KIAA1217: variants seen among roughly 807,000 people sequenced by gnomAD.
KIAA1217 encodes the protein sickle tail protein homolog.
A neutral mutation model predicts 163.9 loss-of-function variants in KIAA1217; 88 were observed. The observed-to-expected ratio is 0.54, with a 90% CI of 0.45 to 0.64. The LOEUF is 0.64. KIAA1217 is among the 30% of genes least tolerant of loss of function. KIAA1217 has a pLI of 0.00. For synonymous variants in KIAA1217, 903 were observed against 923.1 expected, an observed-to-expected ratio of 0.98 and a Z score of 0.39; for missense variants, 2,372 against 2,475.0, an observed-to-expected ratio of 0.96 and a Z score of 0.88.
chr10:23,925,886 T>C (rs1843000580), intron 1 of KIAA1217, among the ~76,000 whole-genome samples: 1 of 152,188 alleles, frequency 6.6e-6, no homozygotes, highest in Non-Finnish European at 1.5e-5. Flanking sequence ...TGAGAATTGA[T>C]GCAAAGTAGT....
intron 1 of KIAA1217, among the ~76,000 whole-genome samples, chr10:23,759,762 A>C (rs190671646): frequency 6.6e-6 from 1 of 152,232 alleles, no homozygotes; most frequent in East Asian, 1.9e-4. Flanking sequence ...TTTTCTGACT[A>C]TCAGACTTTG....
At chr10:24,186,924 T>C (rs2131967137) in intron 2 of KIAA1217, among the ~76,000 whole-genome samples, 1 of 152,234 alleles carries the variant, frequency 6.6e-6, no homozygotes, top group African/African-American at 2.4e-5. Flanking sequence ...AATCTAGTAT[T>C]TTTCATTCCC....
Position 24,306,623 on chromosome 10 carries a change from G to A in KIAA1217, c.355-74246G>A, listed in dbSNP as rs146976839. On this transcript the variant is annotated intron_variant, in intron 2 of 20. Transcript: ENST00000376454. ...GTTATTCTCTGAAGCCATAGAAAGT[G>A]TCAGGGAAGGCTGGATACACATCAC... Among the ~76,000 whole-genome samples, 1,379 of 152,312 alleles carry A rather than the reference G, an allele frequency of 9.1e-3. 22 individuals are homozygous for A. Among genetic ancestry groups the A allele is most frequent in the African/African-American group, 0.032 (1,314 of 41,574 alleles).
intron 1 of KIAA1217, among the ~76,000 whole-genome samples, chr10:23,854,496 G>A (rs1218638865): frequency 6.6e-6 from 1 of 152,196 alleles, no homozygotes; most frequent in East Asian, 1.9e-4. Context: ...TTCTGTTGAT[G>A]TGGGGTGGAG....
At chr10:23,816,894 C>T (rs555111045) in intron 1 of KIAA1217, among the ~76,000 whole-genome samples, 4 of 152,246 alleles carry the variant, frequency 2.6e-5, no homozygotes, top group Admixed American at 6.5e-5. Context: ...TTCTGGGAAA[C>T]AAGCAAGGCA....
intron 1 of KIAA1217, among the ~76,000 whole-genome samples, chr10:23,876,236 T>C (rs1379033568): frequency 5.3e-5 from 8 of 151,568 alleles, no homozygotes; most frequent in Non-Finnish European, 7.4e-5. Context: ...GAAACAGAAA[T>C]GCAAATGCTG....
intron 2 of KIAA1217, among the ~76,000 whole-genome samples, chr10:24,358,524 C>A (rs1376023200): frequency 6.6e-6 from 1 of 152,160 alleles, no homozygotes; most frequent in Non-Finnish European, 1.5e-5. Context: ...TACACTCTTG[C>A]ATTTGTATGA....
chr10:23,855,752 T>G (rs577702691), intron 1 of KIAA1217, among the ~76,000 whole-genome samples: 1 of 152,302 alleles, frequency 6.6e-6, no homozygotes, highest in South Asian at 2.1e-4. Flanking sequence ...CTCGCTTCAT[T>G]TCATTCATTT....
At position 23,761,548 on chromosome 10, in the gene KIAA1217, G is replaced by T. The variant is rs560041001; in HGVS notation, c.-321+66314G>T. On this transcript the variant is annotated intron_variant, in intron 1 of 18. Coordinates refer to the KIAA1217 transcript ENST00000376462. Reference sequence around the variant, plus strand: ...CAGGAGCAAGTTGTTCAATTTCCATGTAATTGTATGGTTTTGAGTGAGTTT... The same window carrying T: ...CAGGAGCAAGTTGTTCAATTTCCATTTAATTGTATGGTTTTGAGTGAGTTT... Among the ~76,000 whole-genome samples the T allele has an allele frequency of 2.6e-4, 40 of 152,288 alleles. 1 individual carries two copies. Among genetic ancestry groups the T allele is most frequent in the African/African-American group, 9.4e-4 (39 of 41,558 alleles).
At chr10:23,819,046 A>G (rs1837496269) in intron 1 of KIAA1217, among the ~76,000 whole-genome samples, 1 of 152,176 alleles carries the variant, frequency 6.6e-6, no homozygotes. Context: ...TAAAGTGTGG[A>G]TTATTTGCAT....
chr10:24,537,721 T>G (rs572689766), intron 17 of KIAA1217, among the ~76,000 whole-genome samples: 2 of 152,372 alleles, frequency 1.3e-5, no homozygotes, highest in African/African-American at 4.8e-5. Context: ...ACAGAATTTT[T>G]GCTAAGTATT....
chr10:24,193,991 A>G (rs2066857893), intron 2 of KIAA1217, among the ~76,000 whole-genome samples: 1 of 152,120 alleles, frequency 6.6e-6, no homozygotes, highest in Admixed American at 6.5e-5. Flanking sequence ...GTTTGAGACC[A>G]GCCTGGCCAA....
chr10:23,733,160 C>T (rs1001187852), intron 1 of KIAA1217, among the ~76,000 whole-genome samples: 1 of 151,878 alleles, frequency 6.6e-6, no homozygotes, highest in Non-Finnish European at 1.5e-5. Flanking sequence ...ACTACAGATG[C>T]CCGCCACCAC....
At chr10:24,095,640 A>G (rs948436054) in intron 2 of KIAA1217, among the ~76,000 whole-genome samples, 17 of 152,002 alleles carry the variant, frequency 1.1e-4, no homozygotes, top group Non-Finnish European at 2.5e-4. Flanking sequence ...CTCTCTCTAC[A>G]AGTTCTCCCT....
intron 2 of KIAA1217, among the ~76,000 whole-genome samples, chr10:24,134,620 C>G (rs1307636228): frequency 6.6e-6 from 1 of 152,142 alleles, no homozygotes; most frequent in African/African-American, 2.4e-5. Flanking sequence ...GTTCTCCAAG[C>G]TGGAGTGCAG....
chr10:23,836,910 GA>G (rs1838484954), intron 1 of KIAA1217, among the ~76,000 whole-genome samples: 1 of 138,898 alleles, frequency 7.2e-6, no homozygotes, highest in South Asian at 2.7e-4. Context: ...GTGACAGAGT[GA>G]GACCCTGTGG....
chr10:24,019,992 C>T (rs1847664928), intron 2 of KIAA1217, among the ~76,000 whole-genome samples: 1 of 151,944 alleles, frequency 6.6e-6, no homozygotes, highest in Non-Finnish European at 1.5e-5. Context: ...TACTGTGAAA[C>T]TGCATAACAA....
rs1036696749 is a variant in KIAA1217 at position 24,119,545 on chromosome 10, G to A, written c.-170-100081G>A. 4.6e-5 allele frequency among the ~76,000 whole-genome samples: 7 copies of A among 152,190 alleles called. No homozygotes were observed. In the East Asian group the frequency reaches 1.3e-3, roughly 29 times the overall value. ...GGTTGCACTATTAGGCTGAGCTACA[G>A]CTGTGTGTGTCTTGAAGCCTCCTCA... On this transcript the variant is annotated intron_variant, in intron 2 of 18. Coordinates refer to the KIAA1217 transcript ENST00000376462.
intron 5 of KIAA1217, among the ~76,000 whole-genome samples, chr10:24,471,541 A>C (rs1344152794): frequency 6.6e-6 from 1 of 152,060 alleles, no homozygotes; most frequent in African/African-American, 2.4e-5. Flanking sequence ...ACCATTGAAC[A>C]AGGTGGGAGT....
Sources: gnomAD v4.1 joint callset for allele counts (sites outside exome capture counted in the v4.1 genomes callset) on GRCh38, gnomAD v4.1.1 for gene constraint, MANE v1.5 for transcripts, NCBI Gene and HGNC (gene_info 2026-07-23, HGNC 2026-07-21) for gene names.